Variants in NOX4 observed in about 807,000 individuals in gnomAD.
NOX4 encodes the protein NADPH oxidase 4, also known as kidney oxidase-1.
In NOX4, 69 loss-of-function variants were observed where a neutral mutation model predicts 87.6. That is an observed-to-expected ratio of 0.79 (90% CI 0.65 to 0.96). The LOEUF is 0.96. Ranked by LOEUF, NOX4 falls within the 40% of genes least tolerant of loss-of-function variation. The pLI is 0.00. For missense variants in NOX4, 680 were observed against 681.5 expected (o/e 1.00, Z 0.02); for synonymous variants, 275 against 238.2 (o/e 1.15, Z -1.42).
chr11:89,577,919 A>G, the NOX4 span, among the ~76,000 whole-genome samples: 1 of 152,170 alleles, frequency 6.6e-6, no homozygotes, highest in Non-Finnish European at 1.5e-5. Flanking sequence ...TAATTAGTAC[A>G]TTGCATATTT....
chr11:89,537,854 T>C, the NOX4 span, among the ~76,000 whole-genome samples: 1,498 of 152,288 alleles, frequency 9.8e-3, 28 homozygotes, highest in African/African-American at 0.034. Flanking sequence ...AAGATGGCTG[T>C]AGCATGTCTG....
chr11:89,359,774 A>G (rs1287344795), intron 12 of NOX4, among the ~76,000 whole-genome samples: 1 of 151,976 alleles, frequency 6.6e-6, no homozygotes, highest in African/African-American at 2.4e-5. Context: ...ATAAAAATGA[A>G]TATTTTAACT....
chr11:89,368,523 A>C (rs1359936620), intron 12 of NOX4, among the ~76,000 whole-genome samples: 2 of 152,120 alleles, frequency 1.3e-5, no homozygotes, highest in African/African-American at 4.8e-5. Context: ...ACAGAAGAGC[A>C]AAAGAGCAAA....
chr11:89,569,704 A>G, the NOX4 span, among the ~76,000 whole-genome samples: 3 of 152,100 alleles, frequency 2.0e-5, no homozygotes, highest in Non-Finnish European at 4.4e-5. Context: ...GTATATATCT[A>G]AAAGATACAA....
chr11:89,369,079 A>G (rs902138681), intron 12 of NOX4, among the ~76,000 whole-genome samples: 2 of 152,058 alleles, frequency 1.3e-5, no homozygotes, highest in African/African-American at 4.8e-5. Flanking sequence ...CAATTCCCCT[A>G]TATATTTCTC....
the NOX4 span, chr11:89,545,371 A>G: frequency 1.3e-5 from 2 of 152,066 alleles, no homozygotes; most frequent in African/African-American, 4.8e-5. Context: ...TAATTTAGAA[A>G]CCTTTTTCTC....
the NOX4 span, among the ~76,000 whole-genome samples, chr11:89,586,137 C>G: frequency 6.6e-6 from 1 of 151,842 alleles, no homozygotes; most frequent in Non-Finnish European, 1.5e-5. Flanking sequence ...TCCTTTTATT[C>G]CAGTTATTCT....
At chr11:89,538,136 A>G in the NOX4 span, among the ~76,000 whole-genome samples, 4 of 152,140 alleles carry the variant, frequency 2.6e-5, no homozygotes, top group Non-Finnish European at 5.9e-5. Context: ...CATGCTGAAA[A>G]CCATCAACAT....
At chr11:89,356,228 T>C (rs1049850399) in intron 12 of NOX4, among the ~76,000 whole-genome samples, 2 of 152,010 alleles carry the variant, frequency 1.3e-5, no homozygotes, top group African/African-American at 4.8e-5. Flanking sequence ...AGCAAAAGGG[T>C]AAATGTAAGT....
intron 11 of NOX4, among the ~76,000 whole-genome samples, chr11:89,386,650 T>C (rs1940723273): frequency 6.6e-6 from 1 of 152,082 alleles, no homozygotes; most frequent in African/African-American, 2.4e-5. Flanking sequence ...TCCAAAATCG[T>C]GGAGGCCTCG....
chr11:89,572,527 T>G, the NOX4 span, among the ~76,000 whole-genome samples: 9 of 152,032 alleles, frequency 5.9e-5, no homozygotes, highest in East Asian at 1.9e-4. Context: ...TTATATGTTT[T>G]TTTGTTTGTT....
chr11:89,417,124 A>C (rs188849440), intron 8 of NOX4, among the ~76,000 whole-genome samples: 1 of 152,246 alleles, frequency 6.6e-6, no homozygotes, highest in African/African-American at 2.4e-5. Context: ...AGTGTTGACT[A>C]TGGTAAGACT....
At chr11:89,365,388 TTATAAAA>T (rs1057480825) in intron 12 of NOX4, among the ~76,000 whole-genome samples, 3 of 152,132 alleles carry the variant, frequency 2.0e-5, no homozygotes, top group African/African-American at 7.2e-5. Flanking sequence ...ACTGGATTTC[TTATAAAA>T]TATAAATTGG....
the NOX4 span, among the ~76,000 whole-genome samples, chr11:89,566,786 T>C: frequency 2.0e-5 from 3 of 152,146 alleles, no homozygotes; most frequent in African/African-American, 7.2e-5. Context: ...TGCATGAGAC[T>C]GCCAAGCACC....
intron 11 of NOX4, among the ~76,000 whole-genome samples, chr11:89,375,584 A>T (rs1939778153): frequency 6.6e-6 from 1 of 152,242 alleles, no homozygotes; most frequent in Admixed American, 6.5e-5. Flanking sequence ...CTGAGATTAC[A>T]GGCATGAGCT....
At chr11:89,382,431 C>T (rs560301514) in intron 11 of NOX4, among the ~76,000 whole-genome samples, 2 of 151,396 alleles carry the variant, frequency 1.3e-5, no homozygotes, top group South Asian at 2.1e-4. Flanking sequence ...TAATTTTTGT[C>T]GTAAAATGGG....
intron 17 of NOX4, among the ~76,000 whole-genome samples, chr11:89,334,942 G>GAA (rs1296757976): frequency 6.6e-6 from 1 of 151,632 alleles, no homozygotes; most frequent in Non-Finnish European, 1.5e-5. Context: ...AAAGAATGAT[G>GAA]TAAAACATCC....
At chr11:89,456,116 G>T (rs1003006347) in intron 2 of NOX4, among the ~76,000 whole-genome samples, 1 of 151,996 alleles carries the variant, frequency 6.6e-6, no homozygotes, top group African/African-American at 2.4e-5. Flanking sequence ...TGGTTGAGGT[G>T]ATAGATATCC....
At chr11:89,437,147 G>T (rs1452273092) in intron 6 of NOX4, among the ~76,000 whole-genome samples, 1 of 151,866 alleles carries the variant, frequency 6.6e-6, no homozygotes, top group African/African-American at 2.4e-5. Flanking sequence ...CAGATCATGA[G>T]GTCAAGAGTT....
Sources: gnomAD v4.1 joint callset for allele counts (sites outside exome capture counted in the v4.1 genomes callset) on GRCh38, gnomAD v4.1.1 for gene constraint, MANE v1.5 for transcripts, NCBI Gene and HGNC (gene_info 2026-07-23, HGNC 2026-07-21) for gene names.